Variants in SEC31A observed in about 807,000 individuals in gnomAD.
SEC31A encodes the protein protein transport protein Sec31A.
SEC31A carries 70 observed loss-of-function variants against 151.0 expected under a neutral mutation model. That is an observed-to-expected ratio of 0.46 (90% CI 0.38 to 0.57). The LOEUF (loss-of-function observed/expected upper bound fraction) is 0.57, where lower values mean the gene tolerates loss of function less well. Ranked by LOEUF, SEC31A falls within the 20% of genes least tolerant of loss-of-function variation. The pLI, the probability that SEC31A is intolerant of heterozygous loss-of-function variation, is 0.00. For missense variants in SEC31A, 1,330 were observed against 1,471.2 expected (o/e 0.90, Z 1.57); for synonymous variants, 475 against 505.9 (o/e 0.94, Z 0.82).
intron 1 of SEC31A, among the ~76,000 whole-genome samples, chr4:82,885,363 G>A (rs942088929): frequency 6.6e-6 from 1 of 151,766 alleles, no homozygotes; most frequent in Admixed American, 6.6e-5. Flanking sequence ...TCTTTTTTGT[G>A]CAATTACCAT....
upstream of SEC31A, chr4:82,900,552 G>T (rs1010606106): frequency 3.0e-5 from 16 of 534,464 alleles, no homozygotes; most frequent in East Asian, 5.1e-4. Context: ...CAACGCGGAG[G>T]GAGGAGCGGT....
chr4:82,898,932 T>TA (rs1196710770), intron 3 of SEC31A, among the ~76,000 whole-genome samples: 1 of 151,546 alleles, frequency 6.6e-6, no homozygotes, highest in Admixed American at 6.6e-5. Flanking sequence ...CAAATGTTCA[T>TA]AATAGTAAAA....
chr4:82,845,305 A>G, intron 20 of SEC31A: 1 of 1,377,886 alleles, frequency 7.3e-7, no homozygotes, highest in Non-Finnish European at 9.7e-7. Context: ...TGAATTGAAC[A>G]AAGAAATACC....
chr4:82,897,521 G>A (rs182671230), intron 3 of SEC31A, among the ~76,000 whole-genome samples: 1 of 152,154 alleles, frequency 6.6e-6, no homozygotes, highest in Admixed American at 6.5e-5. Context: ...TCTATATACT[G>A]TATATAAAAA....
At chr4:82,887,719 T>C in intron 1 of SEC31A, among the ~76,000 whole-genome samples, 1 of 152,236 alleles carries the variant, frequency 6.6e-6, no homozygotes, top group East Asian at 1.9e-4. Context: ...TGACAGTTAT[T>C]ACAAACATCA....
intron 5 of SEC31A, among the ~76,000 whole-genome samples, chr4:82,875,363 G>A (rs1043464487): frequency 2.0e-5 from 3 of 152,204 alleles, no homozygotes; most frequent in Admixed American, 6.5e-5. Context: ...TTGTCTAAGT[G>A]TGTTTTAAGA....
chr4:82,875,854 T>C (rs1235265662), intron 4 of SEC31A, 32 bp from the exon 5 acceptor site: 1 of 1,177,960 alleles, frequency 8.5e-7, no homozygotes, highest in South Asian at 1.4e-5. Flanking sequence ...AAATAGCACT[T>C]ATGAATAATT....
At chr4:82,860,445 T>C (rs527314658) in intron 14 of SEC31A, among the ~76,000 whole-genome samples, 1 of 152,300 alleles carries the variant, frequency 6.6e-6, no homozygotes, top group South Asian at 2.1e-4. Flanking sequence ...CTATGTATCT[T>C]ACAATTCTGT....
intron 17 of SEC31A, 45 bp from the exon 18 acceptor site, chr4:82,853,760 C>T: frequency 6.7e-7 from 1 of 1,501,764 alleles, no homozygotes. Flanking sequence ...CCAAGGCAAT[C>T]TGTATATGAG....
chr4:82,898,278 T>C (rs1720148753), intron 3 of SEC31A, among the ~76,000 whole-genome samples: 1 of 152,090 alleles, frequency 6.6e-6, no homozygotes, highest in South Asian at 2.1e-4. Context: ...AACTTCCATG[T>C]CAACAGTAAA....
Position 82,842,191 on chromosome 4 carries a change from T to A in SEC31A, c.2917A>T (p.Thr973Ser). The change falls in exon 22 of 27, where the codon ACA becomes TCA. Residue 973 changes from threonine to serine, a missense_variant. Coordinates refer to ENST00000395310, the MANE Select transcript of SEC31A (RefSeq NM_001077207.4). Reference protein sequence around the residue: ...SSSAYALPPGTTGTLPAASEL... With the variant: ...SSSAYALPPGSTGTLPAASEL... ...CTGGCAGCAGGCAGTGTACCTGTTGTTCCAGGAGGCAGTGCATAAGCTGAA... is the reference window on the plus strand; with the variant it reads ...CTGGCAGCAGGCAGTGTACCTGTTGATCCAGGAGGCAGTGCATAAGCTGAA... The A allele has an allele frequency of 3.1e-6, 5 of 1,598,486 alleles. No homozygotes were observed. The highest frequency in any genetic ancestry group is 4.3e-6 in the Non-Finnish European group (5 of 1,170,638).
At chr4:82,867,069 G>A (rs778828439) in intron 9 of SEC31A, 86 bp downstream of exon 9, 12 of 1,542,384 alleles carry the variant, frequency 7.8e-6, no homozygotes, top group Non-Finnish European at 1.1e-5. Context: ...AACCAGCATT[G>A]TTAATCAGTG....
chr4:82,899,946 CT>C (rs1465687429), intron 2 of SEC31A: 1 of 152,314 alleles, frequency 6.6e-6, no homozygotes, highest in Non-Finnish European at 1.5e-5. Flanking sequence ...AACATAAGAG[CT>C]TATAACTAAG....
chr4:82,871,329 CA>C (rs1736618671), intron 7 of SEC31A: 1 of 1,508,762 alleles, frequency 6.6e-7, no homozygotes, highest in African/African-American at 1.4e-5. Context: ...CACACACACA[CA>C]CACACACAAG....
chr4:82,885,650 T>C lies in SEC31A; in HGVS notation c.-4-3710A>G, dbSNP rs550206298. 3.9e-5 allele frequency among the ~76,000 whole-genome samples: 6 copies of C among 152,352 alleles called. No homozygotes were observed. The South Asian group carries it at 1.0e-3, about 26-fold the overall frequency. ...TAACTGATCTGTCAGCTTTAAATGA[T>C]GTCCTTTGACTCATAGCCATTACAG... On this transcript the variant is annotated intron_variant, in intron 1 of 26. Transcript: ENST00000395310.
intron 16 of SEC31A, among the ~76,000 whole-genome samples, chr4:82,855,255 T>C (rs970107258): frequency 7.9e-5 from 12 of 152,150 alleles, no homozygotes. Flanking sequence ...AGGAAAAATA[T>C]AAGGTGCTAT....
chr4:82,877,891 C>A (rs1327762795), intron 4 of SEC31A: 1 of 152,050 alleles, frequency 6.6e-6, no homozygotes, highest in Non-Finnish European at 1.5e-5. Context: ...GGGGTTTCAC[C>A]ACGTTGGCCA....
At position 82,891,111 on chromosome 4, in the gene SEC31A, G is replaced by C. The variant is rs761384900; in HGVS notation, c.-28C>G. On this transcript the variant is annotated 5_prime_UTR_variant, in exon 1 of 27. In the 5' UTR this introduces an upstream ATG that the reference lacks. Transcript: ENST00000395310. ...ACCTGGCGAGGACCTTCGGCAGCCG[G>C]ATCCTGCGTTAGTGCAGCGCTCGTC... 3 of 1,535,960 alleles carry C rather than the reference G, an allele frequency of 2.0e-6. No homozygotes were observed. In the South Asian group the frequency reaches 3.6e-5, roughly 18 times the overall value.
intron 10 of SEC31A, 102 bp downstream of exon 10, chr4:82,866,706 C>A: frequency 1.9e-6 from 2 of 1,041,414 alleles, no homozygotes; most frequent in South Asian, 2.9e-5. Flanking sequence ...ATCTCAAATC[C>A]CAACTTAAAC....
Sources: allele counts gnomAD v4.1 joint callset (sites outside exome capture counted in the v4.1 genomes callset), GRCh38; gene constraint gnomAD v4.1.1; transcripts MANE v1.5; gene names NCBI Gene and HGNC (gene_info 2026-07-23, HGNC 2026-07-21).